The following CARD8 variants were observed in gnomAD, a reference collection of about 807,000 sequenced individuals.
CARD8 encodes the protein caspase recruitment domain family member 8.
Under a neutral mutation model 53.2 loss-of-function variants are expected in CARD8, and 38 were observed. The observed-to-expected ratio is 0.71, with a 90% confidence interval of 0.55 to 0.94. The LOEUF (loss-of-function observed/expected upper bound fraction) is 0.94. Among genes scored for constraint, CARD8 ranks in the 40% least tolerant of loss-of-function variants. The pLI is 0.00. For missense variants in CARD8, 561 were observed against 655.5 expected, an observed-to-expected ratio of 0.86 and a Z score of 1.57; for synonymous variants, 245 against 244.9, an observed-to-expected ratio of 1.00 and a Z score of 0.00.
At chr19:48,249,439 G>A (rs2046647662) in intron 3 of CARD8, 84 bp downstream of exon 3, 1 of 152,120 alleles carries the variant, frequency 6.6e-6, no homozygotes, top group African/African-American at 2.4e-5. Context: ...TATTACCTAT[G>A]TTTTAGATAT....
chr19:48,240,907 C>G (rs11670259), intron 4 of CARD8, 55 bp downstream of exon 4: 229 of 1,354,534 alleles, frequency 1.7e-4, no homozygotes, highest in Non-Finnish European at 2.2e-4. Context: ...TGAACTATAA[C>G]GAAACACAGA....
At chr19:48,204,620 G>A (rs575622017), downstream of CARD8, among the ~76,000 whole-genome samples, 44 of 152,262 alleles carry the variant, frequency 2.9e-4, no homozygotes, top group South Asian at 9.1e-3. Context: ...GACAGTACTG[G>A]TAAACAGGAC....
intron 11 of CARD8, among the ~76,000 whole-genome samples, chr19:48,221,202 G>A (rs140008858): frequency 4.1e-4 from 62 of 152,242 alleles, no homozygotes; most frequent in African/African-American, 1.4e-3. Flanking sequence ...GGCACTTCTT[G>A]GGAGAAATTA....
chr19:48,234,457 G>A lies in CARD8; in HGVS notation c.296C>T (p.Pro99Leu), dbSNP rs2043497177. 1.2e-6 allele frequency: 2 copies of A among 1,613,844 alleles called. No individual in the cohort carries two copies. Among genetic ancestry groups the A allele is most frequent in the Non-Finnish European group, 1.7e-6 (2 of 1,179,838 alleles). The change falls in exon 6 of 14, where the codon CCA becomes CTA. Residue 99 changes from proline (P) to leucine (L), a missense_variant. Coordinates refer to ENST00000651546, the MANE Select transcript of CARD8 (RefSeq NM_001184900.3). The stretch of plus-strand genomic sequence containing the variant: ...CTCAGGAACAGCACGGAACAATAAT[G>A]GCTCTGCCTCTGTCTCATCATCTTC... Reference protein sequence around the residue: ...FQEDDETEAEPLLFRAVPECQ... With the variant: ...FQEDDETEAELLLFRAVPECQ...
downstream of CARD8, chr19:48,204,280 G>A (rs112555765): frequency 1.5e-3 from 639 of 437,544 alleles, 7 homozygotes; most frequent in African/African-American, 0.012. Context: ...AGACCTCGCG[G>A]GAGAAATTAG....
intron 10 of CARD8, among the ~76,000 whole-genome samples, chr19:48,226,845 G>C (rs945089085): frequency 2.0e-5 from 3 of 152,046 alleles, no homozygotes; most frequent in African/African-American, 7.2e-5. Context: ...CGAGGCCGAG[G>C]GGGGCAGATC....
chr19:48,240,565 T>A (rs1223955703), intron 4 of CARD8, among the ~76,000 whole-genome samples: 3 of 151,724 alleles, frequency 2.0e-5, no homozygotes, highest in Non-Finnish European at 4.4e-5. Context: ...GGTCAGGAGG[T>A]CCAGACCAGC....
chr19:48,244,082 C>T (rs995000665), intron 3 of CARD8, among the ~76,000 whole-genome samples: 22 of 151,644 alleles, frequency 1.5e-4, no homozygotes, highest in African/African-American at 4.8e-4. Context: ...CTGAATTACA[C>T]AGAATTTATG....
chr19:48,238,217 C>T, intron 5 of CARD8, 166 bp downstream of exon 5: 2 of 1,280,310 alleles, frequency 1.6e-6, no homozygotes, highest in Non-Finnish European at 2.1e-6. Flanking sequence ...TTATGAGATA[C>T]AAACTCTTTT....
intron 7 of CARD8, among the ~76,000 whole-genome samples, 157 bp downstream of exon 7, chr19:48,232,296 C>T (rs2043051201): frequency 6.6e-6 from 1 of 152,220 alleles, no homozygotes; most frequent in Admixed American, 6.5e-5. Context: ...GACAGGCTTA[C>T]ATGTCCCCAT....
intron 12 of CARD8, among the ~76,000 whole-genome samples, chr19:48,215,760 G>A (rs1400626739): frequency 6.6e-6 from 1 of 152,186 alleles, no homozygotes; most frequent in Non-Finnish European, 1.5e-5. Flanking sequence ...ATTGTACCAA[G>A]ACTGTTGATG....
intron 10 of CARD8, among the ~76,000 whole-genome samples, chr19:48,226,353 A>G (rs2041791521): frequency 6.6e-6 from 1 of 152,108 alleles, no homozygotes; most frequent in Non-Finnish European, 1.5e-5. Context: ...CCTCCCAAGT[A>G]GCTGGGATTA....
At chr19:48,204,702 T>C (rs56249281), downstream of CARD8, among the ~76,000 whole-genome samples, 70,173 of 151,938 alleles carry the variant, frequency 0.46, 17,260 homozygotes, top group Non-Finnish European at 0.56. Context: ...TGTTGTCCTC[T>C]ATGGGAGGGA....
downstream of CARD8, chr19:48,204,216 T>G: frequency 2.2e-6 from 1 of 455,410 alleles, no homozygotes; most frequent in Non-Finnish European, 4.4e-6. Context: ...AGGAGGGGGA[T>G]TCAAAGGTTG....
intron 3 of CARD8, among the ~76,000 whole-genome samples, chr19:48,246,200 C>A (rs112306697): frequency 6.6e-6 from 1 of 152,048 alleles, no homozygotes; most frequent in African/African-American, 2.4e-5. Flanking sequence ...ATTTGGATTT[C>A]TTTGATGTTT....
chr19:48,233,210 A>G (rs1271014972), intron 6 of CARD8: 1 of 396,192 alleles, frequency 2.5e-6, no homozygotes, highest in African/African-American at 2.1e-5. Flanking sequence ...TCTATGACAT[A>G]CAGCGTGAGC....
Position 48,215,354 on chromosome 19 carries a change from G to A in CARD8, c.1334C>T (p.Pro445Leu), listed in dbSNP as rs1420372169. Residue 445 changes from proline to leucine, a missense_variant, in exon 13 of 14, where the codon CCT becomes CTT. By Grantham distance (98) the Pro-to-Leu change is moderately conservative. Coordinates refer to ENST00000651546, the MANE Select transcript of CARD8 (RefSeq NM_001184900.3). ...VDLQLVAASA[P>L]PPFSGAAFVK... The stretch of plus-strand genomic sequence containing the variant: ...ATTTCACTTACCTGAGAAAGGAGGA[G>A]GGGCTGATGCAGCTACAAGCTGGAG... 1.9e-6 allele frequency: 3 copies of A among 1,611,350 alleles called. No homozygotes were observed. Among genetic ancestry groups the A allele is most frequent in the Admixed American group, 1.7e-5 (1 of 60,016 alleles).
At chr19:48,203,898 G>A, downstream of CARD8, 1 of 289,048 alleles carries the variant, frequency 3.5e-6, no homozygotes, top group Non-Finnish European at 6.9e-6. Flanking sequence ...CAGCCAGAAA[G>A]CTACAACTCC....
At chr19:48,223,258 C>T (rs1410812954) in intron 10 of CARD8, among the ~76,000 whole-genome samples, 3 of 150,800 alleles carry the variant, frequency 2.0e-5, no homozygotes, top group East Asian at 1.9e-4. Flanking sequence ...GAGTCGGGAT[C>T]GCACCACTGT....
Sources: allele counts gnomAD v4.1 joint callset (sites outside exome capture counted in the v4.1 genomes callset), GRCh38; gene constraint gnomAD v4.1.1; transcripts MANE v1.5; gene names NCBI Gene and HGNC (gene_info 2026-07-23, HGNC 2026-07-21).